CSNK1G1: variants seen among roughly 807,000 people sequenced by gnomAD.
CSNK1G1 encodes the protein casein kinase I isoform gamma-1.
Under a neutral mutation model 59.6 loss-of-function variants are expected in CSNK1G1, and 22 were observed. The ratio of observed to expected loss-of-function variants is 0.37; its 90% CI spans 0.26 to 0.53. The LOEUF is 0.53. CSNK1G1 is among the 20% of genes least tolerant of loss of function. The pLI, the probability that CSNK1G1 is intolerant of heterozygous loss-of-function variation, is 0.89. For synonymous variants in CSNK1G1, 179 were observed against 177.1 expected (o/e 1.01, Z -0.08); for missense variants, 384 against 519.5 (o/e 0.74, Z 2.54).
Position 64,180,433 on chromosome 15 carries a change from C to T in CSNK1G1, c.1129G>A (p.Glu377Lys). 1 of 1,614,068 alleles carries T rather than the reference C, an allele frequency of 6.2e-7. No individual in the cohort carries two copies. Among genetic ancestry groups the T allele is most frequent in the Non-Finnish European group, 8.5e-7 (1 of 1,179,932 alleles). The change falls in exon 11 of 12, where the codon GAG becomes AAG. Residue 377 changes from glutamate (E) to lysine (K), a missense_variant. Glu to Lys is a moderately conservative substitution (Grantham distance 56, BLOSUM62 1). This residue lies in a region of CSNK1G1 where 325 missense variants were observed against 440.9 expected (regional missense o/e 0.74). Coordinates refer to ENST00000303052, the MANE Select transcript of CSNK1G1 (RefSeq NM_022048.5). ...CCCGTGGGATCATCAACATTCAGCT[C>T]TCCATTGGTTGAGCTAACCACCTGA... is the stretch of plus-strand genomic sequence containing the variant. ...RNQVVSSTNGELNVDDPTGAH... is the reference protein window; with the variant it reads ...RNQVVSSTNGKLNVDDPTGAH...
At chr15:64,349,094 G>A (rs928713376) in intron 1 of CSNK1G1, among the ~76,000 whole-genome samples, 4 of 146,020 alleles carry the variant, frequency 2.7e-5, no homozygotes, top group African/African-American at 7.7e-5. Context: ...CCGAGATCAC[G>A]CCACTGTACT....
At chr15:64,351,013 A>T (rs1026023718) in intron 1 of CSNK1G1, among the ~76,000 whole-genome samples, 2 of 152,192 alleles carry the variant, frequency 1.3e-5, no homozygotes, top group African/African-American at 2.4e-5. Context: ...CCACAAATTC[A>T]AAAGTTATTT....
At position 64,194,702 on chromosome 15, in the gene CSNK1G1, G is replaced by A. The variant is rs559936424; in HGVS notation, c.1107+8380C>T. ...CAGCTAATTTTGTATTTTTAGTAGA[G>A]ACAGGGTTTCACCATGTTGGTCAGG... On this transcript the variant is annotated intron_variant, in intron 10 of 11. Transcript: ENST00000303052. Among the ~76,000 whole-genome samples the A allele has an allele frequency of 2.6e-5, 4 of 151,918 alleles. No homozygotes were observed. In the East Asian group the frequency reaches 7.8e-4, roughly 29 times the overall value.
intron 1 of CSNK1G1, among the ~76,000 whole-genome samples, chr15:64,302,252 A>C (rs1187166698): frequency 6.6e-6 from 1 of 152,020 alleles, no homozygotes; most frequent in Non-Finnish European, 1.5e-5. Context: ...GGTGCCTGCT[A>C]CCACACCCAG....
chr15:64,299,371 G>C (rs936992811), intron 2 of CSNK1G1, among the ~76,000 whole-genome samples: 1 of 151,962 alleles, frequency 6.6e-6, no homozygotes, highest in African/African-American at 2.4e-5. Context: ...GGCGGATCAC[G>C]AAGTCAGAGG....
chr15:64,188,642 A>C lies in CSNK1G1; in HGVS notation c.1108-8188T>G, dbSNP rs1056881415. Among the ~76,000 whole-genome samples, 3 of 152,240 alleles carry C rather than the reference A, an allele frequency of 2.0e-5. No individual in the cohort carries two copies. Among genetic ancestry groups the C allele is most frequent in the Admixed American group, 1.3e-4 (2 of 15,278 alleles). The stretch of plus-strand genomic sequence containing the variant: ...CACTGGAAAGCAGTGAGGAAAAGTA[A>C]GCTTGTCTACATTCATTTTAGCCTT... On this transcript the variant is annotated intron_variant, in intron 10 of 11. Transcript: ENST00000303052. The surrounding 1 kb of genome is among the most constrained non-coding windows in gnomAD (Gnocchi z 4.2).
At chr15:64,240,319 C>T (rs972761341) in intron 4 of CSNK1G1, among the ~76,000 whole-genome samples, 1 of 152,058 alleles carries the variant, frequency 6.6e-6, no homozygotes, top group Non-Finnish European at 1.5e-5. Flanking sequence ...AGTGAACAAA[C>T]ATGCATATTA....
intron 3 of CSNK1G1, among the ~76,000 whole-genome samples, chr15:64,257,865 G>A (rs1477568723): frequency 6.6e-6 from 1 of 152,160 alleles, no homozygotes; most frequent in Admixed American, 6.5e-5. Flanking sequence ...TATTTGACCT[G>A]CATTGTTACA....
intron 2 of CSNK1G1, among the ~76,000 whole-genome samples, chr15:64,261,444 T>C (rs1892683481): frequency 1.3e-5 from 2 of 151,828 alleles, no homozygotes; most frequent in Admixed American, 1.3e-4. Context: ...CTACTAAAAA[T>C]ACAAAAATTA....
intron 10 of CSNK1G1, chr15:64,189,235 C>T (rs1441762307): frequency 2.1e-5 from 12 of 566,552 alleles, no homozygotes; most frequent in Admixed American, 6.1e-5. Context: ...TAATATGATA[C>T]TATGAATTAT....
intron 1 of CSNK1G1, among the ~76,000 whole-genome samples, chr15:64,307,842 A>C (rs933102973): frequency 6.6e-6 from 1 of 152,022 alleles, no homozygotes. Context: ...GCCCACCACC[A>C]CGCCTGGCTA....
chr15:64,206,316 T>G (rs921205012), intron 7 of CSNK1G1, among the ~76,000 whole-genome samples: 1 of 152,124 alleles, frequency 6.6e-6, no homozygotes, highest in African/African-American at 2.4e-5. Flanking sequence ...GGCGTGTGCC[T>G]GTAGTCCCAG....
At position 64,192,342 on chromosome 15, in the gene CSNK1G1, C is replaced by T. The variant is rs147448086; in HGVS notation, c.1107+10740G>A. Among the ~76,000 whole-genome samples, 164 of 152,182 alleles carry T rather than the reference C, an allele frequency of 1.1e-3. 2 individuals carry two copies. The highest frequency in any genetic ancestry group is 3.8e-3 in the African/African-American group (157 of 41,508). On this transcript the variant is annotated intron_variant, in intron 10 of 11. Coordinates refer to ENST00000303052, the MANE Select transcript of CSNK1G1 (RefSeq NM_022048.5). Reference sequence around the variant, plus strand: ...AAGTAGTGGTAACTCCTTGGGGGAACGCTTTAAAATTTTCAGTCGTGATTG... The same window carrying T: ...AAGTAGTGGTAACTCCTTGGGGGAATGCTTTAAAATTTTCAGTCGTGATTG...
At chr15:64,349,820 A>T (rs1012407511) in intron 1 of CSNK1G1, among the ~76,000 whole-genome samples, 61 of 152,058 alleles carry the variant, frequency 4.0e-4, no homozygotes, top group African/African-American at 1.5e-3. Context: ...AGCACCTGTA[A>T]TCCCAGCTAC....
intron 1 of CSNK1G1, chr15:64,315,787 T>A (rs1896233955): frequency 1.3e-5 from 2 of 152,186 alleles, no homozygotes; most frequent in Non-Finnish European, 2.9e-5. Context: ...TGTGCAGTGA[T>A]TTTAACATGT....
intron 1 of CSNK1G1, among the ~76,000 whole-genome samples, chr15:64,307,711 G>A (rs1355435356): frequency 6.6e-6 from 1 of 152,036 alleles, no homozygotes; most frequent in African/African-American, 2.4e-5. Flanking sequence ...GTTTGAGACG[G>A]AGTCTCGCTC....
In CSNK1G1 at chr15:64,171,528, A is replaced by T. The variant is rs1396645139; in HGVS notation, c.*403T>A. The T allele has an allele frequency of 3.9e-5, 7 of 180,756 alleles. No homozygotes were observed. In the Admixed American group the frequency reaches 3.9e-4, roughly 10 times the overall value. The allele number at this position is 180,756 out of a possible 1,614,324, so 11.2% of individuals were successfully genotyped here. ...CCTCTTGATCTCCTTCTGCAGACAAAGCCTTTAGCTCACTAGGTTTTATGC... is the reference window on the plus strand; with the variant it reads ...CCTCTTGATCTCCTTCTGCAGACAATGCCTTTAGCTCACTAGGTTTTATGC... On this transcript the variant is annotated 3_prime_UTR_variant, in exon 12 of 12. Transcript: ENST00000303052. This position sits in a 1 kb window ranked among gnomAD's most constrained non-coding sequence, Gnocchi z 4.8.
At chr15:64,184,519 T>C (rs570471331) in intron 10 of CSNK1G1, among the ~76,000 whole-genome samples, 65 of 150,756 alleles carry the variant, frequency 4.3e-4, no homozygotes, top group African/African-American at 1.6e-3. Context: ...TCTATTAAAA[T>C]ACAAAAAATC....
chr15:64,199,705 T>C (rs890575384), intron 10 of CSNK1G1, among the ~76,000 whole-genome samples: 2 of 151,934 alleles, frequency 1.3e-5, no homozygotes, highest in African/African-American at 4.8e-5. Context: ...TACAAAACAT[T>C]ATGCAGGTGT....
Sources: gnomAD v4.1 joint callset for allele counts (sites outside exome capture counted in the v4.1 genomes callset) on GRCh38, gnomAD v4.1.1 for gene constraint, gnomAD v4.1.1 regional missense constraint, Gnocchi (gnomAD v3.1) non-coding constraint, MANE v1.5 for transcripts, NCBI Gene and HGNC (gene_info 2026-07-23, HGNC 2026-07-21) for gene names.